OTUD7A: variants seen among roughly 807,000 people sequenced by gnomAD.
OTUD7A encodes OTU domain-containing protein 7A.
A neutral mutation model predicts 65.7 loss-of-function variants in OTUD7A; 12 were observed. The ratio of observed to expected loss-of-function variants is 0.18; its 90% CI spans 0.12 to 0.30. The LOEUF (loss-of-function observed/expected upper bound fraction) is 0.30, where lower values mean the gene tolerates loss of function less well. Ranked by LOEUF, OTUD7A falls within the 10% of genes least tolerant of loss-of-function variation. The pLI, the probability that OTUD7A is intolerant of heterozygous loss-of-function variation, is 1.00. For synonymous variants in OTUD7A, 641 were observed against 586.3 expected (o/e 1.09, Z -1.35); for missense variants, 1,148 against 1,304.8 (o/e 0.88, Z 1.85).
At chr15:31,590,826 C>T (rs1889701374) in intron 3 of OTUD7A, among the ~76,000 whole-genome samples, 1 of 152,184 alleles carries the variant, frequency 6.6e-6, no homozygotes, top group Non-Finnish European at 1.5e-5. Context: ...AAAGGAAGTG[C>T]TCCATGCTGT....
chr15:31,727,580 A>T (rs781382358), intron 1 of OTUD7A, among the ~76,000 whole-genome samples: 3 of 152,186 alleles, frequency 2.0e-5, no homozygotes, highest in Non-Finnish European at 2.9e-5. Context: ...GAGTCTTTTG[A>T]TCTAGAATGA....
intron 1 of OTUD7A, among the ~76,000 whole-genome samples, chr15:31,840,445 A>AAAAAAT (rs953193192): frequency 1.3e-4 from 19 of 149,058 alleles, no homozygotes; most frequent in African/African-American, 4.2e-4. Context: ...CTCAAAAATT[A>AAAAAAT]AAAAATAAAA....
In OTUD7A at chr15:31,487,067, T is replaced by C. The variant is rs906018990; in HGVS notation, c.1371+127A>G. The C allele has an allele frequency of 9.1e-6, 8 of 877,344 alleles. No individual in the cohort carries two copies. Among genetic ancestry groups the C allele is most frequent in the Middle Eastern group, 3.5e-4 (1 of 2,848 alleles). The allele number at this position is 877,344 out of a possible 1,614,324, so 54.3% of individuals were successfully genotyped here. ...GGAGCTACTGGGCTGTGGGTATGGC[T>C]GGGGTGGGCGGCCGGGCAGGGGCAG... On this transcript the variant is annotated intron_variant, in intron 12 of 12. Coordinates refer to ENST00000307050, the MANE Select transcript of OTUD7A (RefSeq NM_001382637.1). This position sits in a 1 kb window ranked among gnomAD's most constrained non-coding sequence, Gnocchi z 6.0.
At chr15:31,757,737 C>G (rs1472669) in intron 1 of OTUD7A, among the ~76,000 whole-genome samples, 136,321 of 152,268 alleles carry the variant, frequency 0.9, 62,410 homozygotes, top group East Asian at 1. Context: ...TCACTTTCAT[C>G]TGGACAAAGC....
At position 31,766,226 on chromosome 15, in the gene OTUD7A, T is replaced by C. The variant is rs369283009; in HGVS notation, c.-100+104281A>G. On this transcript the variant is annotated intron_variant, in intron 1 of 12. Transcript: ENST00000307050. Reference sequence around the variant, plus strand: ...CTTCTTCAGCACAGCATAACACACATTGAGAAACGGTATGTATCAACAGTG... The same window carrying C: ...CTTCTTCAGCACAGCATAACACACACTGAGAAACGGTATGTATCAACAGTG... 7.8e-6 allele frequency: 12 copies of C among 1,542,144 alleles called. No individual in the cohort carries two copies. In the African/African-American group the frequency reaches 1.1e-4, roughly 14 times the overall value.
At chr15:31,488,814 C>G (rs534683940) in intron 10 of OTUD7A, among the ~76,000 whole-genome samples, 1 of 152,372 alleles carries the variant, frequency 6.6e-6, no homozygotes, top group South Asian at 2.1e-4. Context: ...CCCCTCTCCA[C>G]CCCCGCACCT....
At chr15:31,633,509 C>T (rs951515625) in intron 3 of OTUD7A, among the ~76,000 whole-genome samples, 2 of 152,160 alleles carry the variant, frequency 1.3e-5, no homozygotes, top group Non-Finnish European at 2.9e-5. Context: ...TTGAAAGTTT[C>T]CAGGTCTCCA....
At position 31,527,147 on chromosome 15, in the gene OTUD7A, G is replaced by T. The variant is rs1415791036; in HGVS notation, c.780+34C>A. ...CGGCCCGAGGCTGCATCTGGCCTGG[G>T]TCCCGGGCTCTGGCCATGCCAGTGG... On this transcript the variant is annotated intron_variant, in intron 7 of 12. Coordinates refer to ENST00000307050, the MANE Select transcript of OTUD7A (RefSeq NM_001382637.1). 1.9e-6 allele frequency: 3 copies of T among 1,613,054 alleles called. No individual in the cohort carries two copies. In the East Asian group the frequency reaches 6.7e-5, roughly 36 times the overall value.
At chr15:31,619,563 C>T (rs1934115635) in intron 3 of OTUD7A, among the ~76,000 whole-genome samples, 1 of 49,084 alleles carries the variant, frequency 2.0e-5, no homozygotes, top group Non-Finnish European at 3.5e-5. Context: ...CATGATTTGG[C>T]TCTCTGTCTG....
At chr15:31,673,713 C>A (rs1892535743) in intron 1 of OTUD7A, among the ~76,000 whole-genome samples, 1 of 152,298 alleles carries the variant, frequency 6.6e-6, no homozygotes, top group East Asian at 1.9e-4. Context: ...CGATTCCAAT[C>A]ATTAAATCAG....
intron 3 of OTUD7A, among the ~76,000 whole-genome samples, chr15:31,634,205 C>G (rs933907984): frequency 1.3e-5 from 2 of 152,206 alleles, no homozygotes; most frequent in Non-Finnish European, 2.9e-5. Context: ...ACCACCTCCC[C>G]TGGAGCCCCG....
At chr15:31,620,846 T>C (rs1890756213) in intron 3 of OTUD7A, among the ~76,000 whole-genome samples, 1 of 107,104 alleles carries the variant, frequency 9.3e-6, no homozygotes, top group Non-Finnish European at 1.7e-5. Flanking sequence ...CTAGTTCTTT[T>C]AACTGTGACG....
chr15:31,715,244 C>T (rs1893552994), intron 1 of OTUD7A, among the ~76,000 whole-genome samples: 2 of 151,348 alleles, frequency 1.3e-5, no homozygotes, highest in South Asian at 4.3e-4. Flanking sequence ...TCCAAGCCTT[C>T]GACTGTCCTG....
At chr15:31,802,103 ATG>A (rs1255794707) in intron 1 of OTUD7A, among the ~76,000 whole-genome samples, 2,932 of 35,412 alleles carry the variant, frequency 0.083, 100 homozygotes, top group African/African-American at 0.15. Flanking sequence ...GTGTGTATAT[ATG>A]TGTGTGTGTG....
chr15:31,514,045 C>T (rs1458171385), intron 8 of OTUD7A, among the ~76,000 whole-genome samples: 2 of 125,976 alleles, frequency 1.6e-5, no homozygotes, highest in Non-Finnish European at 1.6e-5. Context: ...TCTTTTCTTT[C>T]TTTCTTTCTT....
chr15:31,504,730 C>T (rs1177778055), intron 8 of OTUD7A, among the ~76,000 whole-genome samples: 1 of 152,112 alleles, frequency 6.6e-6, no homozygotes, highest in Non-Finnish European at 1.5e-5. Flanking sequence ...AAATGTGGCC[C>T]CTGGCATGGC....
In OTUD7A at chr15:31,606,541, G is replaced by C. The variant is rs574449932; in HGVS notation, c.152-36344C>G. Among the ~76,000 whole-genome samples, 5 of 152,156 alleles carry C rather than the reference G, an allele frequency of 3.3e-5. No individual in the cohort carries two copies. In the South Asian group the frequency reaches 1.0e-3, roughly 32 times the overall value. ...ATAGCAGATCATCTGTGTTCATGAC[G>C]TTGAAAAAAATCCCTATACTGCAAA... On this transcript the variant is annotated intron_variant, in intron 3 of 12. Coordinates refer to ENST00000307050, the MANE Select transcript of OTUD7A (RefSeq NM_001382637.1).
chr15:31,845,555 G>C (rs1433228935), intron 1 of OTUD7A, among the ~76,000 whole-genome samples: 2 of 152,204 alleles, frequency 1.3e-5, no homozygotes, highest in Admixed American at 1.3e-4. Flanking sequence ...CTGGGCAGGG[G>C]AATCATGCTC....
intron 1 of OTUD7A, among the ~76,000 whole-genome samples, chr15:31,808,115 ACACACACACACACACACACAC>A (rs1002913404): frequency 8.4e-5 from 9 of 107,300 alleles, no homozygotes; most frequent in African/African-American, 2.7e-4. Context: ...ACACACACAC[ACACACACACACACACACACAC>A]AAACAAATCC....
Sources: gnomAD v4.1 joint callset for allele counts (sites outside exome capture counted in the v4.1 genomes callset) on GRCh38, gnomAD v4.1.1 for gene constraint, Gnocchi (gnomAD v3.1) non-coding constraint, MANE v1.5 for transcripts, NCBI Gene and HGNC (gene_info 2026-07-23, HGNC 2026-07-21) for gene names.